BRIP1: variants seen among roughly 807,000 people sequenced by gnomAD.
BRIP1 encodes BRCA1 interacting DNA helicase 1.
In BRIP1, 88 loss-of-function variants were observed where a neutral mutation model predicts 119.7. The ratio of observed to expected loss-of-function variants is 0.74; its 90% CI spans 0.62 to 0.88. The LOEUF (loss-of-function observed/expected upper bound fraction) is 0.88. BRIP1 is among the 40% of genes least tolerant of loss of function. BRIP1 has a pLI of 0.00. For missense variants in BRIP1, 1,259 were observed against 1,455.4 expected, an observed-to-expected ratio of 0.87 and a Z score of 2.20; for synonymous variants, 443 against 496.5, an observed-to-expected ratio of 0.89 and a Z score of 1.43.
In BRIP1 at chr17:61,802,418, C is replaced by T. The variant is rs923936695; in HGVS notation, c.919-944G>A. 1.3e-5 allele frequency among the ~76,000 whole-genome samples: 2 copies of T among 152,136 alleles called. No homozygotes were observed. Among genetic ancestry groups the T allele is most frequent in the African/African-American group, 4.8e-5 (2 of 41,418 alleles). On this transcript the variant is annotated intron_variant, in intron 7 of 19. Transcript: ENST00000259008. This position sits in a 1 kb window ranked among gnomAD's most constrained non-coding sequence, Gnocchi z 6.0. ...GAGGATGCAGTGAGCCATGATCAAG[C>T]CACTGCACTCCGGCCTGGATGACAA...
At position 61,695,850 on chromosome 17, in the gene BRIP1, G is replaced by A. The variant is rs1266632468; in HGVS notation, c.2493-2338C>T. ...ACCTGAAACCTTGCTGAACCTATCA[G>A]TTCTGTTATTTTAAAAATGGATTTC... On this transcript the variant is annotated intron_variant, in intron 17 of 19. Coordinates refer to ENST00000259008, the MANE Select transcript of BRIP1 (RefSeq NM_032043.3). This position sits in a 1 kb window ranked among gnomAD's most constrained non-coding sequence, Gnocchi z 4.3. Among the ~76,000 whole-genome samples the A allele has an allele frequency of 6.6e-6, 1 of 151,964 alleles. No homozygotes were observed. The highest frequency in any genetic ancestry group is 1.5e-5 in the Non-Finnish European group (1 of 67,960).
Position 61,693,858 on chromosome 17 carries a change from T to C in BRIP1, c.2493-346A>G, listed in dbSNP as rs529002576. Among the ~76,000 whole-genome samples, 5 of 152,224 alleles carry C rather than the reference T, an allele frequency of 3.3e-5. No homozygotes were observed. The East Asian group carries it at 9.6e-4, about 29-fold the overall frequency. Reference sequence around the variant, plus strand: ...AAATAATTGTAAAGGTCCTTTTTACTAGTTTGATGAGAGTTTTAAATCATG... The same window carrying C: ...AAATAATTGTAAAGGTCCTTTTTACCAGTTTGATGAGAGTTTTAAATCATG... On this transcript the variant is annotated intron_variant, in intron 17 of 19. Coordinates refer to ENST00000259008, the MANE Select transcript of BRIP1 (RefSeq NM_032043.3). This position sits in a 1 kb window ranked among gnomAD's most constrained non-coding sequence, Gnocchi z 4.2.
chr17:61,801,209 T>C (rs1469386287), intron 8 of BRIP1, 44 bp downstream of exon 8: 1 of 1,534,650 alleles, frequency 6.5e-7, no homozygotes. Flanking sequence ...CATTTACATC[T>C]CCATGAGTAG....
Position 61,768,166 on chromosome 17 carries a change from G to A in BRIP1, c.2097+8235C>T, listed in dbSNP as rs546654929. ...GACTTAGTGCAGTCCTCCGCACAAA[G>A]TATGTACTCAATAATGATTTCTTCA... On this transcript the variant is annotated intron_variant, in intron 14 of 19. Coordinates refer to ENST00000259008, the MANE Select transcript of BRIP1 (RefSeq NM_032043.3). This position sits in a 1 kb window ranked among gnomAD's most constrained non-coding sequence, Gnocchi z 5.0. Among the ~76,000 whole-genome samples, 1 of 152,244 alleles carries A rather than the reference G, an allele frequency of 6.6e-6. No homozygotes were observed. Among genetic ancestry groups the A allele is most frequent in the South Asian group, 2.1e-4 (1 of 4,818 alleles).
rs1403796726 is a variant in BRIP1, at chr17:61,730,645, TTTTA to T, written c.2379+12364_2379+12367del. Among the ~76,000 whole-genome samples, 2 of 152,138 alleles carry T rather than the reference TTTTA, an allele frequency of 1.3e-5. No individual in the cohort carries two copies. Among genetic ancestry groups the T allele is most frequent in the Non-Finnish European group, 2.9e-5 (2 of 68,016 alleles). ...TTGTTCAAAAATCAAAACCAAAAGT[TTTTA>T]TTTATTAATTATCCAGAGAAACTTC... On this transcript the variant is annotated intron_variant, in intron 16 of 19. Transcript: ENST00000259008. The surrounding 1 kb of genome is among the most constrained non-coding windows in gnomAD (Gnocchi z 4.3).
In BRIP1 at chr17:61,689,596, A is replaced by G. The variant is rs1357478053; in HGVS notation, c.2576-3431T>C. 2.0e-5 allele frequency among the ~76,000 whole-genome samples: 3 copies of G among 152,178 alleles called. No homozygotes were observed. The highest frequency in any genetic ancestry group is 7.2e-5 in the African/African-American group (3 of 41,450). ...ATGAAGCCCAGTGAACCTGAACAGG[A>G]TGAACCCAAAAGTCTGTACCAAAAC... is the stretch of plus-strand genomic sequence containing the variant. On this transcript the variant is annotated intron_variant, in intron 18 of 19. Coordinates refer to ENST00000259008, the MANE Select transcript of BRIP1 (RefSeq NM_032043.3). This position sits in a 1 kb window ranked among gnomAD's most constrained non-coding sequence, Gnocchi z 4.5.
In BRIP1 at chr17:61,822,291, T is replaced by A. The variant is rs986147496; in HGVS notation, c.628-13534A>T. Among the ~76,000 whole-genome samples, 3 of 152,194 alleles carry A rather than the reference T, an allele frequency of 2.0e-5. No individual in the cohort carries two copies. In the South Asian group the frequency reaches 6.2e-4, roughly 31 times the overall value. On this transcript the variant is annotated intron_variant, in intron 6 of 19. Transcript: ENST00000259008. The surrounding 1 kb of genome is among the most constrained non-coding windows in gnomAD (Gnocchi z 4.4). ...AATTTTTATAAGCAAATATCACTTT[T>A]ATAAAAACAATTACATTTTTTAAAA...
At chr17:61,765,596 C>T (rs1285830160) in intron 14 of BRIP1, among the ~76,000 whole-genome samples, 1 of 148,856 alleles carries the variant, frequency 6.7e-6, no homozygotes, top group African/African-American at 2.5e-5. Context: ...CCACCATGTC[C>T]GGTTAATTTT....
intron 13 of BRIP1, among the ~76,000 whole-genome samples, chr17:61,779,758 C>T (rs1301362360): frequency 6.6e-6 from 1 of 151,992 alleles, no homozygotes; most frequent in African/African-American, 2.4e-5. Flanking sequence ...GAGTTCAAGA[C>T]CAGAATGGAC....
rs760193728 is a variant in BRIP1, at chr17:61,800,532, A to C, written c.1140+721T>G. Among the ~76,000 whole-genome samples, 22 of 152,220 alleles carry C rather than the reference A, an allele frequency of 1.4e-4. No homozygotes were observed. Among genetic ancestry groups the C allele is most frequent in the Admixed American group, 3.9e-4 (6 of 15,274 alleles). ...TATTGAGCATCTTGAGTGTAAGCTT[A>C]AGAAATATGAACTTTATCTCATGAG... On this transcript the variant is annotated intron_variant, in intron 8 of 19. Coordinates refer to ENST00000259008, the MANE Select transcript of BRIP1 (RefSeq NM_032043.3).
rs754929230 is a variant in BRIP1 at position 61,784,265 on chromosome 17, C to T, written c.1628+5G>A. The T allele has an allele frequency of 6.8e-6, 11 of 1,611,186 alleles. No individual in the cohort carries two copies. Among genetic ancestry groups the T allele is most frequent in the Non-Finnish European group, 9.3e-6 (11 of 1,177,978 alleles). On this transcript the variant is annotated splice_donor_5th_base_variant and intron_variant, in intron 11 of 19. Transcript: ENST00000259008. ...GGAAAATACATACTAGTTATCTTCA[C>T]TTACCTGCTATTTTGCCTAAAAAGA...
At chr17:61,685,684 C>T in intron 19 of BRIP1, 152 bp downstream of exon 19, 2 of 751,970 alleles carry the variant, frequency 2.7e-6, no homozygotes, top group Non-Finnish European at 4.3e-6. Flanking sequence ...GTTCCCATTA[C>T]AGTACACCAT....
intron 10 of BRIP1, among the ~76,000 whole-genome samples, chr17:61,787,347 CAT>C (rs1160771585): frequency 6.3e-5 from 7 of 111,636 alleles, no homozygotes; most frequent in African/African-American, 2.6e-4. Context: ...ATATATAAAA[CAT>C]TATATATTAA....
rs1340518015 is a variant in BRIP1 at position 61,851,359 on chromosome 17, A to C, written c.380-2103T>G. Among the ~76,000 whole-genome samples the C allele has an allele frequency of 1.3e-5, 2 of 152,200 alleles. No homozygotes were observed. ...TTCTTTATAAGGTTCTTAGAAACAC[A>C]GTTTGAAAACCACTATACTCTAAAA... On this transcript the variant is annotated intron_variant, in intron 4 of 19. Transcript: ENST00000259008. The surrounding 1 kb of genome is among the most constrained non-coding windows in gnomAD (Gnocchi z 4.6).
chr17:61,718,153 G>A (rs2061912005), intron 16 of BRIP1, among the ~76,000 whole-genome samples: 1 of 152,114 alleles, frequency 6.6e-6, no homozygotes, highest in African/African-American at 2.4e-5. Context: ...TCTGTATTAT[G>A]GGTTAAATTC....
rs140317859 is a variant in BRIP1, at chr17:61,857,786, T to G, written c.206-555A>C. ...CCCATTTATGTAATCTGTAAAAATCTAATAATCTAAGATTAATAATGTAAT... is the reference window on the plus strand; with the variant it reads ...CCCATTTATGTAATCTGTAAAAATCGAATAATCTAAGATTAATAATGTAAT... On this transcript the variant is annotated intron_variant, in intron 3 of 19. Transcript: ENST00000259008. The surrounding 1 kb of genome is among the most constrained non-coding windows in gnomAD (Gnocchi z 5.1). 6.6e-6 allele frequency among the ~76,000 whole-genome samples: 1 copy of G among 152,302 alleles called. No individual in the cohort carries two copies. Among genetic ancestry groups the G allele is most frequent in the East Asian group, 1.9e-4 (1 of 5,182 alleles).
chr17:61,792,851 T>G (rs1351073427), intron 10 of BRIP1, among the ~76,000 whole-genome samples: 1 of 152,162 alleles, frequency 6.6e-6, no homozygotes, highest in Non-Finnish European at 1.5e-5. Context: ...CAATAATGGT[T>G]CATCAATTAT....
At chr17:61,719,142 T>G (rs2061930637) in intron 16 of BRIP1, among the ~76,000 whole-genome samples, 1 of 152,022 alleles carries the variant, frequency 6.6e-6, no homozygotes. Context: ...TGGAGTTACT[T>G]TCTTGAAGGA....
rs2061577010 is a variant in BRIP1 at position 61,699,353 on chromosome 17, G to C, written c.2493-5841C>G. Among the ~76,000 whole-genome samples the C allele has an allele frequency of 1.3e-5, 2 of 151,980 alleles. No individual in the cohort carries two copies. The highest frequency in any genetic ancestry group is 2.1e-4 in the South Asian group (1 of 4,822). On this transcript the variant is annotated intron_variant, in intron 17 of 19. Coordinates refer to ENST00000259008, the MANE Select transcript of BRIP1 (RefSeq NM_032043.3). This position sits in a 1 kb window ranked among gnomAD's most constrained non-coding sequence, Gnocchi z 4.8. ...GCTTTCTATATGCCTTACGTATTTT[G>C]TTCTTCTGTCTTTCCATTACTTTCC...
Sources: allele counts gnomAD v4.1 joint callset (sites outside exome capture counted in the v4.1 genomes callset), GRCh38; gene constraint gnomAD v4.1.1; non-coding constraint Gnocchi (gnomAD v3.1); transcripts MANE v1.5; gene names NCBI Gene and HGNC (gene_info 2026-07-23, HGNC 2026-07-21).